The following COMMD10 variants were observed in gnomAD, a reference collection of about 807,000 sequenced individuals.
The protein encoded by COMMD10 is COMM domain containing 10.
In COMMD10, 33 loss-of-function variants were observed where a neutral mutation model predicts 28.9. The observed-to-expected ratio is 1.14, with a 90% CI of 0.87 to 1.53. COMMD10 has a LOEUF of 1.53. Ranked by LOEUF, COMMD10 falls within the 40% of genes most tolerant of loss-of-function variation. The pLI is 0.00. For missense variants in COMMD10, 310 were observed against 233.4 expected (o/e 1.33, Z -2.14); for synonymous variants, 110 against 81.7 (o/e 1.35, Z -1.87).
chr5:116,153,417 T>C (rs999229224), intron 5 of COMMD10, among the ~76,000 whole-genome samples: 10 of 152,074 alleles, frequency 6.6e-5, no homozygotes, highest in Admixed American at 5.3e-4. Flanking sequence ...CTGCCTTGAA[T>C]TCTAGTCAGC....
intron 5 of COMMD10, among the ~76,000 whole-genome samples, chr5:116,205,200 A>T (rs1748781251): frequency 6.6e-6 from 1 of 152,192 alleles, no homozygotes; most frequent in South Asian, 2.1e-4. Flanking sequence ...GTCTCTTCAT[A>T]AGTGAAAACA....
At chr5:116,188,449 T>C (rs1267264949) in intron 5 of COMMD10, 1 of 130,118 alleles carries the variant, frequency 7.7e-6, no homozygotes, top group Non-Finnish European at 1.5e-5. Context: ...GTTTTTATTT[T>C]ATTTAAAAAA....
At position 116,173,849 on chromosome 5, in the gene COMMD10, GT is replaced by G. The variant is rs761332339; in HGVS notation, c.510+39684del. Among the ~76,000 whole-genome samples the G allele has an allele frequency of 1.8e-3, 214 of 117,106 alleles. 1 individual carries two copies. The highest frequency in any genetic ancestry group is 5.7e-3 in the African/African-American group (152 of 26,694). 76.8% of individuals were successfully genotyped at this position (117,106 alleles called of 152,430 possible). On this transcript the variant is annotated intron_variant, in intron 5 of 6. Coordinates refer to ENST00000274458, the MANE Select transcript of COMMD10 (RefSeq NM_016144.4). ...TTTTGTTTTGTTTTGTTTTGTTTTTGTTTTTTTTTTTTTGGAACAAGGACAG... is the reference window on the plus strand; with the variant it reads ...TTTTGTTTTGTTTTGTTTTGTTTTTGTTTTTTTTTTTTGGAACAAGGACAG...
chr5:116,228,350 G>C (rs1471037562), intron 5 of COMMD10, among the ~76,000 whole-genome samples: 1 of 151,896 alleles, frequency 6.6e-6, no homozygotes, highest in Non-Finnish European at 1.5e-5. Context: ...AAAATTTAAA[G>C]TTCAAAAAAT....
At chr5:116,087,755 CT>C (rs1750156219) in intron 2 of COMMD10, among the ~76,000 whole-genome samples, 168 bp downstream of exon 2, 1 of 152,194 alleles carries the variant, frequency 6.6e-6, no homozygotes. Flanking sequence ...TTGAGAAACT[CT>C]GTCTTCAATA....
intron 4 of COMMD10, among the ~76,000 whole-genome samples, chr5:116,121,878 G>A (rs149355179): frequency 6.6e-6 from 1 of 151,990 alleles, no homozygotes; most frequent in Non-Finnish European, 1.5e-5. Context: ...GATTCTGGAT[G>A]CTAGCCCGTT....
intron 5 of COMMD10, among the ~76,000 whole-genome samples, chr5:116,250,453 C>A (rs144071339): frequency 6.6e-6 from 1 of 150,928 alleles, no homozygotes; most frequent in Non-Finnish European, 1.5e-5. Flanking sequence ...ATTGGAGATA[C>A]TAGATGGAAG....
At chr5:116,280,463 A>T (rs1418343047) in intron 5 of COMMD10, among the ~76,000 whole-genome samples, 1 of 151,800 alleles carries the variant, frequency 6.6e-6, no homozygotes, top group Admixed American at 6.6e-5. Flanking sequence ...TGCCCCACGT[A>T]CAGTTCTTCC....
chr5:116,225,804 T>G (rs1205197460), intron 5 of COMMD10, among the ~76,000 whole-genome samples: 1 of 150,860 alleles, frequency 6.6e-6, no homozygotes, highest in East Asian at 1.9e-4. Context: ...GATTCTAAAA[T>G]CTTGTTTTTT....
chr5:116,173,603 G>C (rs1753406769), intron 5 of COMMD10, among the ~76,000 whole-genome samples: 1 of 151,902 alleles, frequency 6.6e-6, no homozygotes, highest in African/African-American at 2.4e-5. Flanking sequence ...ATTCACTTTT[G>C]GTAGCTTTTA....
chr5:116,126,903 A>C (rs534218023), intron 4 of COMMD10, among the ~76,000 whole-genome samples: 2 of 152,370 alleles, frequency 1.3e-5, no homozygotes, highest in South Asian at 2.1e-4. Context: ...AGCAATGGCA[A>C]CAAAAGCCAA....
chr5:116,269,676 A>G (rs1750702759), intron 5 of COMMD10, among the ~76,000 whole-genome samples: 1 of 151,828 alleles, frequency 6.6e-6, no homozygotes, highest in African/African-American at 2.4e-5. Context: ...CCTCTTCTTA[A>G]GTTTCCCTTT....
chr5:116,279,238 G>A lies in COMMD10; in HGVS notation c.511-12279G>A, dbSNP rs146237170. On this transcript the variant is annotated intron_variant, in intron 5 of 6. Transcript: ENST00000274458. Reference sequence around the variant, plus strand: ...TGAGAGATGAGTCCGTAGGAATCATGGGCCAGAGTTTGGAAGTCTTGAATG... The same window carrying A: ...TGAGAGATGAGTCCGTAGGAATCATAGGCCAGAGTTTGGAAGTCTTGAATG... 5.8e-4 allele frequency among the ~76,000 whole-genome samples: 88 copies of A among 151,874 alleles called. 2 individuals are homozygous for A. Among genetic ancestry groups the A allele is most frequent in the African/African-American group, 2.0e-3 (83 of 41,274 alleles).
At chr5:116,148,637 A>T (rs1443342236) in intron 5 of COMMD10, among the ~76,000 whole-genome samples, 1 of 151,686 alleles carries the variant, frequency 6.6e-6, no homozygotes, top group East Asian at 1.9e-4. Flanking sequence ...TTGTCAATGG[A>T]TTCTTTTTTT....
chr5:116,093,775 G>C (rs1561596441), intron 4 of COMMD10, among the ~76,000 whole-genome samples: 1 of 152,132 alleles, frequency 6.6e-6, no homozygotes, highest in Non-Finnish European at 1.5e-5. Flanking sequence ...ATTTCAACTT[G>C]TATTACAAGG....
chr5:116,256,046 A>G (rs1750275582), intron 5 of COMMD10, among the ~76,000 whole-genome samples: 1 of 151,690 alleles, frequency 6.6e-6, no homozygotes, highest in South Asian at 2.1e-4. Context: ...AGTAGCGCAA[A>G]TATGCATGAC....
chr5:116,128,115 G>A (rs1307826801), intron 4 of COMMD10, among the ~76,000 whole-genome samples: 1 of 151,764 alleles, frequency 6.6e-6, no homozygotes, highest in Non-Finnish European at 1.5e-5. Context: ...AAATTTAGCT[G>A]GTAAATTTAC....
At chr5:116,103,176 T>C (rs931777494) in intron 4 of COMMD10, among the ~76,000 whole-genome samples, 6 of 152,240 alleles carry the variant, frequency 3.9e-5, no homozygotes, top group Non-Finnish European at 7.3e-5. Context: ...ATCCTTTGGG[T>C]ATATACCCAG....
chr5:116,182,703 TTC>T (rs1432235649), intron 5 of COMMD10, among the ~76,000 whole-genome samples: 2 of 152,066 alleles, frequency 1.3e-5, no homozygotes, highest in Admixed American at 6.6e-5. Context: ...GGGATTAAAA[TTC>T]TATCTCCAAG....
Sources: allele counts gnomAD v4.1 joint callset (sites outside exome capture counted in the v4.1 genomes callset), GRCh38; gene constraint gnomAD v4.1.1; transcripts MANE v1.5; gene names NCBI Gene and HGNC (gene_info 2026-07-23, HGNC 2026-07-21).